Variants in EMP2 observed in about 807,000 individuals in gnomAD.
EMP2 encodes epithelial membrane protein 2.
In EMP2, 19 loss-of-function variants were observed where a neutral mutation model predicts 13.7. That is an observed-to-expected ratio of 1.38 (90% CI 0.97 to 2.03). The LOEUF (loss-of-function observed/expected upper bound fraction) is 2.03, where lower values mean the gene tolerates loss of function less well. Ranked by LOEUF, EMP2 falls within the 30% of genes most tolerant of loss-of-function variation. The pLI, the probability that EMP2 is intolerant of heterozygous loss-of-function variation, is 0.00. For missense variants in EMP2, 253 were observed against 220.7 expected, an observed-to-expected ratio of 1.15 and a Z score of -0.93; for synonymous variants, 97 against 84.7, an observed-to-expected ratio of 1.15 and a Z score of -0.80.
chr16:10,548,229 A>T (rs6498081), intron 1 of EMP2, among the ~76,000 whole-genome samples: 20,474 of 152,086 alleles, frequency 0.13, 3,350 homozygotes, highest in African/African-American at 0.39. Flanking sequence ...GAAAAGCATC[A>T]CGTCTCTTGG....
chr16:10,558,337 G>A (rs1217085348), intron 1 of EMP2, among the ~76,000 whole-genome samples: 3 of 152,138 alleles, frequency 2.0e-5, no homozygotes, highest in Admixed American at 6.5e-5. Context: ...GGAGTTTCAA[G>A]TTCTACAGTT....
intron 1 of EMP2, among the ~76,000 whole-genome samples, chr16:10,579,915 T>C (rs1018783670): frequency 6.6e-6 from 1 of 152,162 alleles, no homozygotes; most frequent in Non-Finnish European, 1.5e-5. Flanking sequence ...GAATACACAC[T>C]ACGAGCTGCA....
Position 10,531,204 on chromosome 16 carries a change from C to G in EMP2, c.*1701G>C, listed in dbSNP as rs181262515. The G allele has an allele frequency of 6.6e-6, 1 of 152,104 alleles. No individual in the cohort carries two copies. Among genetic ancestry groups the G allele is most frequent in the African/African-American group, 2.4e-5 (1 of 41,402 alleles). The allele number at this position is 152,104 out of a possible 1,614,324, so 9.4% of individuals were successfully genotyped here. Reference sequence around the variant, plus strand: ...GGCCAGGCTGGTCTTGAACTCCTGACCTTGTGATCCACCTGCCTCAGCCTC... The same window carrying G: ...GGCCAGGCTGGTCTTGAACTCCTGAGCTTGTGATCCACCTGCCTCAGCCTC... On this transcript the variant is annotated 3_prime_UTR_variant, in exon 5 of 5. Transcript: ENST00000359543.
At chr16:10,555,720 TG>T (rs556006249) in intron 1 of EMP2, among the ~76,000 whole-genome samples, 16 of 152,200 alleles carry the variant, frequency 1.1e-4, no homozygotes, top group Middle Eastern at 6.8e-3. Flanking sequence ...CCCAAGTAGC[TG>T]GGATTACAGG....
At chr16:10,545,129 T>G (rs1010333984) in intron 2 of EMP2, 1 of 152,188 alleles carries the variant, frequency 6.6e-6, no homozygotes, top group African/African-American at 2.4e-5. Context: ...TAATATACCC[T>G]GGGGGTGCTG....
At chr16:10,551,034 T>A (rs2050784675) in intron 1 of EMP2, among the ~76,000 whole-genome samples, 1 of 152,062 alleles carries the variant, frequency 6.6e-6, no homozygotes, top group Non-Finnish European at 1.5e-5. Flanking sequence ...TTACTATTAG[T>A]GTAAATGAGA....
chr16:10,536,049 A>C (rs960365850), intron 4 of EMP2, among the ~76,000 whole-genome samples: 1 of 152,040 alleles, frequency 6.6e-6, no homozygotes, highest in African/African-American at 2.4e-5. Context: ...GGTTCTCAAG[A>C]TCAAGTGACC....
chr16:10,575,471 G>C (rs2050978062), intron 1 of EMP2, among the ~76,000 whole-genome samples: 1 of 151,452 alleles, frequency 6.6e-6, no homozygotes, highest in Admixed American at 6.6e-5. Context: ...AGCCAGGATG[G>C]TCTCGATCTC....
intron 4 of EMP2, 152 bp downstream of exon 4, chr16:10,537,776 A>T: frequency 1.1e-6 from 1 of 907,530 alleles, no homozygotes; most frequent in Non-Finnish European, 1.7e-6. Flanking sequence ...ACACACACAC[A>T]CACACGCAAA....
chr16:10,542,852 T>C (rs563789963), intron 3 of EMP2, among the ~76,000 whole-genome samples: 11 of 152,280 alleles, frequency 7.2e-5, no homozygotes, highest in Admixed American at 6.5e-4. Flanking sequence ...TCTTGGATTT[T>C]TGTTTGTTTT....
chr16:10,570,006 C>G (rs2050936120), intron 1 of EMP2, among the ~76,000 whole-genome samples: 1 of 152,182 alleles, frequency 6.6e-6, no homozygotes, highest in Admixed American at 6.5e-5. Flanking sequence ...CAATGCTCAC[C>G]CAAGCCTCCC....
rs12996 is a variant in EMP2 at position 10,529,447 on chromosome 16, G to T, written c.*3458C>A. ...GTCTCAAAAAAGCTTAATGGCACAG[G>T]TGGATGTGGGCACTGAATGTTGTAC... On this transcript the variant is annotated 3_prime_UTR_variant, in exon 5 of 5. Transcript: ENST00000359543. The T allele has an allele frequency of 3.9e-5, 6 of 152,066 alleles. No homozygotes were observed. Among genetic ancestry groups the T allele is most frequent in the Non-Finnish European group, 8.8e-5 (6 of 68,024 alleles). 9.4% of individuals were successfully genotyped at this position (152,066 alleles called of 1,614,324 possible).
chr16:10,536,663 G>A (rs1288537359), intron 4 of EMP2, among the ~76,000 whole-genome samples: 2 of 152,104 alleles, frequency 1.3e-5, no homozygotes, highest in African/African-American at 4.8e-5. Flanking sequence ...CTTGAGAATG[G>A]ACTAATACAA....
intron 4 of EMP2, among the ~76,000 whole-genome samples, chr16:10,534,150 A>G (rs1567199700): frequency 6.6e-6 from 1 of 151,894 alleles, no homozygotes; most frequent in Non-Finnish European, 1.5e-5. Flanking sequence ...CTGAAAAGAG[A>G]GCGATGAGGG....
At chr16:10,573,712 C>T (rs2050963181) in intron 1 of EMP2, among the ~76,000 whole-genome samples, 1 of 152,168 alleles carries the variant, frequency 6.6e-6, no homozygotes, top group East Asian at 1.9e-4. Flanking sequence ...AGTTCCTTCC[C>T]TACCACCCCA....
intron 1 of EMP2, among the ~76,000 whole-genome samples, chr16:10,568,843 G>C (rs1322873114): frequency 2.3e-5 from 3 of 127,952 alleles, no homozygotes; most frequent in African/African-American, 9.2e-5. Flanking sequence ...CTGGAGTACA[G>C]TGGCGCAATG....
At chr16:10,557,232 CTA>C (rs2050836353) in intron 1 of EMP2, among the ~76,000 whole-genome samples, 1 of 151,956 alleles carries the variant, frequency 6.6e-6, no homozygotes, top group African/African-American at 2.4e-5. Flanking sequence ...TGGCAGATGC[CTA>C]TCGTCCCAGC....
chr16:10,567,503 G>A (rs1166567485), intron 1 of EMP2, among the ~76,000 whole-genome samples: 1 of 152,188 alleles, frequency 6.6e-6, no homozygotes, highest in Non-Finnish European at 1.5e-5. Context: ...GGGAGCAGGG[G>A]CTTAGACCAG....
chr16:10,554,798 T>C (rs2050815144), intron 1 of EMP2, among the ~76,000 whole-genome samples: 1 of 152,114 alleles, frequency 6.6e-6, no homozygotes, highest in African/African-American at 2.4e-5. Flanking sequence ...GAGCGGTCTC[T>C]CCGTTTCACC....
Sources: allele counts gnomAD v4.1 joint callset (sites outside exome capture counted in the v4.1 genomes callset), GRCh38; gene constraint gnomAD v4.1.1; transcripts MANE v1.5; gene names NCBI Gene and HGNC (gene_info 2026-07-23, HGNC 2026-07-21).